Variants in SVIL observed in about 807,000 individuals in gnomAD.
SVIL encodes supervillin.
In SVIL, 101 loss-of-function variants were observed where a neutral mutation model predicts 240.4. The ratio of observed to expected loss-of-function variants is 0.42; its 90% confidence interval spans 0.36 to 0.50. SVIL has a LOEUF of 0.50. Ranked by LOEUF, SVIL falls within the 20% of genes least tolerant of loss-of-function variation. The probability of loss-of-function intolerance (pLI) is 0.01; values close to 1 mark genes in which losing one functional copy is unlikely to be tolerated. For missense variants in SVIL, 2,512 were observed against 2,818.7 expected (o/e 0.89, Z 2.46); for synonymous variants, 999 against 1,100.0 (o/e 0.91, Z 1.82).
Position 29,545,853 on chromosome 10 carries a change from C to CAAA in SVIL, c.827+4741_827+4743dup, listed in dbSNP as rs755360700. On this transcript the variant is annotated intron_variant, in intron 6 of 37. Transcript: ENST00000355867. ...TTGGAGTCAGAGTGAGACTCTGTCT[C>CAAA]AAAAAAAAAAAAAAAAAAAAAAAAA... is the stretch of plus-strand genomic sequence containing the variant. 1.3e-4 allele frequency among the ~76,000 whole-genome samples: 8 copies of CAAA among 63,564 alleles called. 1 individual carries two copies. Among genetic ancestry groups the CAAA allele is most frequent in the Non-Finnish European group, 1.7e-4 (6 of 34,866 alleles). 41.7% of individuals were successfully genotyped at this position (63,564 alleles called of 152,430 possible).
chr10:29,548,929 T>G (rs1036394213), intron 6 of SVIL, among the ~76,000 whole-genome samples: 1 of 152,180 alleles, frequency 6.6e-6, no homozygotes, highest in African/African-American at 2.4e-5. Context: ...AGTTTGTTTT[T>G]AAAACGAACA....
chr10:29,560,931 C>T (rs1488727037), intron 3 of SVIL, among the ~76,000 whole-genome samples: 1 of 150,236 alleles, frequency 6.7e-6, no homozygotes, highest in Non-Finnish European at 1.5e-5. Flanking sequence ...CTCCGCCTCC[C>T]GGGTTCAAGC....
intron 15 of SVIL, 26 bp downstream of exon 15, chr10:29,523,425 A>C: frequency 6.5e-7 from 1 of 1,549,028 alleles, no homozygotes; most frequent in Non-Finnish European, 8.7e-7. Flanking sequence ...TGGCTTTCTA[A>C]AGCTTTAGGG....
At chr10:29,721,259 A>AACAAAC (rs147715554) in intron 1 of SVIL, among the ~76,000 whole-genome samples, 29,196 of 151,528 alleles carry the variant, frequency 0.19, 3,387 homozygotes, top group Admixed American at 0.26. Flanking sequence ...CAAACAAACA[A>AACAAAC]AAAAACACCT....
chr10:29,527,983 C>A (rs1176512522), intron 12 of SVIL, among the ~76,000 whole-genome samples: 7 of 152,064 alleles, frequency 4.6e-5, no homozygotes, highest in African/African-American at 1.7e-4. Context: ...CCCACCTCTG[C>A]CTCCCTAAGT....
chr10:29,551,677 T>C (rs1037429663), intron 5 of SVIL, among the ~76,000 whole-genome samples: 2 of 152,230 alleles, frequency 1.3e-5, no homozygotes, highest in Non-Finnish European at 2.9e-5. Flanking sequence ...GCTGCCGTCA[T>C]TGGACAAGTG....
intron 6 of SVIL, among the ~76,000 whole-genome samples, chr10:29,543,680 C>G (rs1250502384): frequency 1.3e-5 from 2 of 152,148 alleles, no homozygotes; most frequent in African/African-American, 4.8e-5. Flanking sequence ...TCTCTTCCTC[C>G]TCCATCTCTC....
At chr10:29,485,152 C>CT (rs200005548) in intron 26 of SVIL, among the ~76,000 whole-genome samples, 1 of 151,888 alleles carries the variant, frequency 6.6e-6, no homozygotes, top group African/African-American at 2.4e-5. Flanking sequence ...CTTCCTGCCT[C>CT]TCTCCCCTAT....
chr10:29,506,770 A>AC (rs539373187), intron 17 of SVIL, among the ~76,000 whole-genome samples: 2 of 139,626 alleles, frequency 1.4e-5, no homozygotes, highest in Non-Finnish European at 1.6e-5. Flanking sequence ...CAGAGGCCCT[A>AC]GAGGGAAAGG....
chr10:29,716,688 G>C (rs572017543), intron 1 of SVIL, among the ~76,000 whole-genome samples: 1 of 152,142 alleles, frequency 6.6e-6, no homozygotes, highest in Non-Finnish European at 1.5e-5. Context: ...CAAAAAAATT[G>C]TTTTAATGAT....
At chr10:29,691,143 A>C (rs919644586) in intron 1 of SVIL, among the ~76,000 whole-genome samples, 1 of 152,190 alleles carries the variant, frequency 6.6e-6, no homozygotes, top group Non-Finnish European at 1.5e-5. Context: ...CTTACTTTTC[A>C]ATCTGTAACA....
intron 1 of SVIL, among the ~76,000 whole-genome samples, chr10:29,579,786 G>A (rs1955859335): frequency 6.6e-6 from 1 of 152,164 alleles, no homozygotes; most frequent in Non-Finnish European, 1.5e-5. Flanking sequence ...CGAGGGCAAA[G>A]CCAAGGGAAA....
At chr10:29,624,363 C>T (rs1957785005) in intron 1 of SVIL, among the ~76,000 whole-genome samples, 1 of 152,042 alleles carries the variant, frequency 6.6e-6, no homozygotes, top group Non-Finnish European at 1.5e-5. Flanking sequence ...CATGGCGAAA[C>T]CCCATCTCTA....
intron 1 of SVIL, 118 bp downstream of exon 1, chr10:29,634,302 G>T (rs1201721476): frequency 6.6e-6 from 1 of 151,544 alleles, no homozygotes; most frequent in Admixed American, 6.6e-5. Flanking sequence ...TCCAATGACT[G>T]AAGTCAACAA....
intron 3 of SVIL, among the ~76,000 whole-genome samples, chr10:29,555,313 G>GACACAC (rs60699689): frequency 9.1e-4 from 121 of 132,702 alleles, no homozygotes; most frequent in African/African-American, 3.1e-3. Context: ...AGAGTGTGCA[G>GACACAC]ACACACACAC....
At chr10:29,488,507 C>A in intron 23 of SVIL, 94 bp downstream of exon 23, 1 of 1,362,556 alleles carries the variant, frequency 7.3e-7, no homozygotes, top group Non-Finnish European at 9.5e-7. Context: ...GTTCCTTTCC[C>A]GGCACAGGCA....
intron 1 of SVIL, among the ~76,000 whole-genome samples, chr10:29,692,633 T>C (rs1961597332): frequency 6.7e-6 from 1 of 149,740 alleles, no homozygotes; most frequent in Non-Finnish European, 1.5e-5. Context: ...TGCTTATTTA[T>C]ATGTATATAT....
chr10:29,583,145 AG>A (rs1330944708), intron 1 of SVIL, among the ~76,000 whole-genome samples: 2 of 152,230 alleles, frequency 1.3e-5, no homozygotes, highest in Non-Finnish European at 1.5e-5. Flanking sequence ...TTTGAAGGAA[AG>A]TTTCAAATAA....
Position 29,592,310 on chromosome 10 carries a change from A to G in SVIL, c.-200-22998T>C, listed in dbSNP as rs1956421850. 2.0e-5 allele frequency among the ~76,000 whole-genome samples: 3 copies of G among 152,362 alleles called. No individual in the cohort carries two copies. In the South Asian group the frequency reaches 6.2e-4, roughly 32 times the overall value. ...TGAAACAATGTCACTGCTTTTAAGC[A>G]TCTAAGTGTAATATTTGCATATTCT... On this transcript the variant is annotated intron_variant, in intron 1 of 37. Transcript: ENST00000355867.
Sources: gnomAD v4.1 joint callset for allele counts (sites outside exome capture counted in the v4.1 genomes callset) on GRCh38, gnomAD v4.1.1 for gene constraint, MANE v1.5 for transcripts, NCBI Gene and HGNC (gene_info 2026-07-23, HGNC 2026-07-21) for gene names.